PRDM2: variants seen among roughly 807,000 people sequenced by gnomAD.
PRDM2 encodes the protein PR/SET domain 2.
PRDM2 carries 30 observed loss-of-function variants against 130.0 expected under a neutral mutation model. The observed-to-expected ratio is 0.23, with a 90% confidence interval of 0.17 to 0.31. PRDM2 has a LOEUF of 0.31. Among genes scored for constraint, PRDM2 ranks in the 10% least tolerant of loss-of-function variants. The pLI is 1.00. For synonymous variants in PRDM2, 871 were observed against 782.4 expected, an observed-to-expected ratio of 1.11 and a Z score of -1.89; for missense variants, 2,011 against 2,108.4, an observed-to-expected ratio of 0.95 and a Z score of 0.90.
chr1:13,778,015 T>G (rs894305103), intron 7 of PRDM2, among the ~76,000 whole-genome samples: 1 of 152,166 alleles, frequency 6.6e-6, no homozygotes, highest in Admixed American at 6.5e-5. Context: ...TTTGGAATCA[T>G]GAGAAATTAG....
At chr1:13,800,400 A>C (rs965095659) in intron 8 of PRDM2, among the ~76,000 whole-genome samples, 1 of 152,216 alleles carries the variant, frequency 6.6e-6, no homozygotes, top group East Asian at 1.9e-4. Context: ...ACAAAGAAGA[A>C]GACAGCTGGG....
At position 13,774,845 on chromosome 1, in the gene PRDM2, T is replaced by C. The variant is rs141265357; in HGVS notation, c.622+1657T>C. Among the ~76,000 whole-genome samples the C allele has an allele frequency of 3.7e-3, 554 of 151,322 alleles. 5 individuals carry two copies. The highest frequency in any genetic ancestry group is 0.012 in the African/African-American group (500 of 41,178). Reference sequence around the variant, plus strand: ...CAAAAAAATTAGCCAGGCGTGGTGGTGGGCGCCTGTAGTCCGGGAGGCTGA... The same window carrying C: ...CAAAAAAATTAGCCAGGCGTGGTGGCGGGCGCCTGTAGTCCGGGAGGCTGA... On this transcript the variant is annotated intron_variant, in intron 7 of 9. Transcript: ENST00000311066.
intron 9 of PRDM2, among the ~76,000 whole-genome samples, chr1:13,822,006 G>A (rs1315975684): frequency 6.6e-6 from 1 of 152,186 alleles, no homozygotes; most frequent in African/African-American, 2.4e-5. Flanking sequence ...ATAGAATGGG[G>A]ATCTGTGTTG....
chr1:13,705,235 T>G (rs989629184), intron 1 of PRDM2: 2 of 152,206 alleles, frequency 1.3e-5, no homozygotes, highest in African/African-American at 4.8e-5. Flanking sequence ...ATTAGTCTTT[T>G]TGATCGGGAT....
At chr1:13,790,355 G>A (rs1644819739) in intron 8 of PRDM2, among the ~76,000 whole-genome samples, 1 of 152,148 alleles carries the variant, frequency 6.6e-6, no homozygotes, top group African/African-American at 2.4e-5. Context: ...AGGCTGGCGG[G>A]GCCGTGCATC....
At chr1:13,804,309 G>A (rs973162793) in intron 8 of PRDM2, among the ~76,000 whole-genome samples, 2 of 151,910 alleles carry the variant, frequency 1.3e-5, no homozygotes, top group East Asian at 1.9e-4. Context: ...CTTTACCCCT[G>A]CCCCCCAAGG....
intron 8 of PRDM2, among the ~76,000 whole-genome samples, chr1:13,784,488 T>G (rs1644693692): frequency 6.6e-6 from 1 of 152,230 alleles, no homozygotes; most frequent in African/African-American, 2.4e-5. Context: ...TACTTGGCCC[T>G]ACTTACACAG....
chr1:13,750,760 G>A (rs1643804657), intron 6 of PRDM2, among the ~76,000 whole-genome samples: 1 of 151,708 alleles, frequency 6.6e-6, no homozygotes, highest in African/African-American at 2.4e-5. Context: ...GACGATCAGA[G>A]TCTAGAAAAT....
At chr1:13,753,799 T>C (rs1643889439) in intron 6 of PRDM2, among the ~76,000 whole-genome samples, 1 of 152,098 alleles carries the variant, frequency 6.6e-6, no homozygotes, top group African/African-American at 2.4e-5. Flanking sequence ...GAGGAGGACA[T>C]CAAGAGGAAC....
intron 2 of PRDM2, among the ~76,000 whole-genome samples, chr1:13,723,371 G>A (rs987031363): frequency 3.9e-5 from 6 of 152,154 alleles, no homozygotes; most frequent in Non-Finnish European, 7.3e-5. Flanking sequence ...TGGTTGCTGC[G>A]TTCCCCAGGT....
In PRDM2 at chr1:13,780,142, G is replaced by A. The variant is rs756203363; in HGVS notation, c.2347G>A (p.Ala783Thr). The change falls in exon 8 of 10, where the codon GCA becomes ACA. Residue 783 changes from alanine to threonine, a missense_variant. Ala to Thr is a moderately conservative substitution (Grantham distance 58, BLOSUM62 0). Coordinates refer to ENST00000311066, the MANE Select transcript of PRDM2 (RefSeq NM_001393986.1). ...SKLESHSDSP[A>T]WSLSGRDERE... ...ATTAGAAAGTCACAGCGACTCACCA[G>A]CATGGAGTTTGTCTGGGAGAGATGA... 2 of 1,608,676 alleles carry A rather than the reference G, an allele frequency of 1.2e-6. No individual in the cohort carries two copies. Among genetic ancestry groups the A allele is most frequent in the East Asian group, 4.5e-5 (2 of 44,826 alleles).
At chr1:13,805,128 G>A (rs1348031899) in intron 8 of PRDM2, among the ~76,000 whole-genome samples, 2 of 152,170 alleles carry the variant, frequency 1.3e-5, no homozygotes, top group Non-Finnish European at 2.9e-5. Flanking sequence ...AGGACTGCTG[G>A]GAATTTGAGG....
At position 13,806,532 on chromosome 1, in the gene PRDM2, T is replaced by G. The variant is rs1316438099; in HGVS notation, c.5037-9895T>G. On this transcript the variant is annotated intron_variant, in intron 8 of 9. Transcript: ENST00000311066. This position sits in a 1 kb window ranked among gnomAD's most constrained non-coding sequence, Gnocchi z 4.1. ...GTGGGATGAATGGAAACGGTCCTGC[T>G]TGGAGTCCAGCTACCAGCTAGACTC... 6.6e-6 allele frequency among the ~76,000 whole-genome samples: 1 copy of G among 152,172 alleles called. No homozygotes were observed. Among genetic ancestry groups the G allele is most frequent in the Non-Finnish European group, 1.5e-5 (1 of 68,024 alleles).
chr1:13,808,086 G>T (rs113035672), intron 8 of PRDM2, among the ~76,000 whole-genome samples: 1 of 152,206 alleles, frequency 6.6e-6, no homozygotes, highest in African/African-American at 2.4e-5. Flanking sequence ...GGCAAAGCCT[G>T]TGTGGGGCAC....
At chr1:13,800,959 C>T (rs1301360054) in intron 8 of PRDM2, among the ~76,000 whole-genome samples, 1 of 152,196 alleles carries the variant, frequency 6.6e-6, no homozygotes, top group African/African-American at 2.4e-5. Flanking sequence ...GGGCAGGTGA[C>T]CCGCTCAGGC....
At position 13,780,478 on chromosome 1, in the gene PRDM2, G is replaced by C; in HGVS notation, c.2683G>C (p.Glu895Gln). Residue 895 changes from glutamate to glutamine, a missense_variant, in exon 8 of 10, where the codon GAA (glutamate) becomes CAA (glutamine). Physicochemically the swap from Glu to Gln is conservative, Grantham distance 29 (BLOSUM62 2). This residue lies in a region of PRDM2 where 1,288 missense variants were observed against 1,237.7 expected (regional missense o/e 1.04). Transcript: ENST00000311066. ...CATGCTGCAGAAGGTTCTTCTCAAT[G>C]AATATAATGGCATCGATTTACCTGT... ...TCMLQKVLLNEYNGIDLPVEN... is the reference protein window; with the variant it reads ...TCMLQKVLLNQYNGIDLPVEN... 6.2e-7 allele frequency: 1 copy of C among 1,614,168 alleles called. No homozygotes were observed. The highest frequency in any genetic ancestry group is 8.5e-7 in the Non-Finnish European group (1 of 1,180,030).
At position 13,781,715 on chromosome 1, in the gene PRDM2, A is replaced by C; in HGVS notation, c.3920A>C (p.His1307Pro). The C allele has an allele frequency of 6.2e-7, 1 of 1,614,166 alleles. No homozygotes were observed. The highest frequency in any genetic ancestry group is 8.5e-7 in the Non-Finnish European group (1 of 1,180,030). The change falls in exon 8 of 10, where the codon CAC (histidine) becomes CCC (proline). Residue 1307 changes from histidine to proline, a missense_variant. Around this residue, in one of 5 missense-constraint regions of PRDM2, gnomAD observed 229 missense variants for 364.1 expected, o/e 0.63. Transcript: ENST00000311066. This position sits in a 1 kb window ranked among gnomAD's most constrained non-coding sequence, Gnocchi z 6.1. ...SFKPPPFQYHHRNPMGIGVTA... is the reference protein window; with the variant it reads ...SFKPPPFQYHPRNPMGIGVTA... Reference sequence around the variant, plus strand: ...AAACCACCTCCATTTCAGTACCATCACCGTAACCCCATGGGGATTGGTGTG... The same window carrying C: ...AAACCACCTCCATTTCAGTACCATCCCCGTAACCCCATGGGGATTGGTGTG...
intron 6 of PRDM2, chr1:13,769,257 C>T (rs534305979): frequency 1.7e-5 from 13 of 760,314 alleles, no homozygotes; most frequent in African/African-American, 5.7e-5. Flanking sequence ...ATGCCATCTC[C>T]CCTCTGTAAA....
chr1:13,722,944 G>A (rs566867417), intron 2 of PRDM2: 48 of 456,088 alleles, frequency 1.1e-4, no homozygotes, highest in South Asian at 5.8e-4. Context: ...ACCCCATCTC[G>A]TCACTCTCCT....
Sources: allele counts gnomAD v4.1 joint callset (sites outside exome capture counted in the v4.1 genomes callset), GRCh38; gene constraint gnomAD v4.1.1; regional missense constraint gnomAD v4.1.1; non-coding constraint Gnocchi (gnomAD v3.1); transcripts MANE v1.5; gene names NCBI Gene and HGNC (gene_info 2026-07-23, HGNC 2026-07-21).